The following CNBD1 variants were observed in gnomAD, a reference collection of about 807,000 sequenced individuals.
CNBD1 encodes cyclic nucleotide binding domain containing 1, also known as cyclic nucleotide-binding domain-containing protein 1.
Under a neutral mutation model 54.4 loss-of-function variants are expected in CNBD1, and 71 were observed. That is an observed-to-expected ratio of 1.30 (90% CI 1.08 to 1.59). The LOEUF is 1.59. CNBD1 is among the 40% of genes most tolerant of loss of function. The probability of loss-of-function intolerance (pLI) is 0.00; values close to 1 mark genes in which losing one functional copy is unlikely to be tolerated. For synonymous variants in CNBD1, 182 were observed against 170.7 expected (o/e 1.07, Z -0.51); for missense variants, 659 against 518.0 (o/e 1.27, Z -2.64).
intron 4 of CNBD1, among the ~76,000 whole-genome samples, chr8:87,146,411 G>A (rs953039302): frequency 3.3e-5 from 5 of 152,120 alleles, no homozygotes; most frequent in African/African-American, 4.8e-5. Flanking sequence ...CCAATGAAAT[G>A]GATATTTCTA....
intron 5 of CNBD1, among the ~76,000 whole-genome samples, chr8:87,213,706 C>T (rs182205533): frequency 7.6e-4 from 116 of 152,174 alleles, no homozygotes; most frequent in East Asian, 3.3e-3. Flanking sequence ...ACTCCTGGCC[C>T]CTCCCAAATC....
intron 8 of CNBD1, among the ~76,000 whole-genome samples, chr8:87,343,015 C>T (rs1361699416): frequency 6.6e-6 from 1 of 152,116 alleles, no homozygotes; most frequent in East Asian, 1.9e-4. Context: ...AAGACAGACA[C>T]TCCCAGAGCT....
intron 3 of CNBD1, among the ~76,000 whole-genome samples, chr8:86,928,039 G>A (rs907234859): frequency 7.2e-5 from 11 of 152,018 alleles, no homozygotes; most frequent in Non-Finnish European, 1.2e-4. Flanking sequence ...TACTGAGTAT[G>A]GTCCTTCCCA....
intron 4 of CNBD1, among the ~76,000 whole-genome samples, chr8:86,947,507 A>G (rs1009201411): frequency 1.3e-5 from 2 of 152,142 alleles, no homozygotes; most frequent in African/African-American, 2.4e-5. Flanking sequence ...TGTGAAATCT[A>G]CGTTGGACAA....
intron 8 of CNBD1, among the ~76,000 whole-genome samples, chr8:87,298,764 G>A (rs1299543646): frequency 2.0e-5 from 3 of 151,764 alleles, no homozygotes; most frequent in Non-Finnish European, 4.4e-5. Flanking sequence ...GATTACAGAT[G>A]TGAGCCACCA....
chr8:87,410,173 T>C (rs1324464187), intron 2 of CNBD1, among the ~76,000 whole-genome samples: 2 of 152,124 alleles, frequency 1.3e-5, no homozygotes, highest in African/African-American at 4.8e-5. Flanking sequence ...AAAGATTCAT[T>C]TACAATGCAC....
At chr8:87,255,321 C>G (rs192332884) in intron 6 of CNBD1, among the ~76,000 whole-genome samples, 3 of 152,142 alleles carry the variant, frequency 2.0e-5, no homozygotes, top group East Asian at 3.9e-4. Flanking sequence ...TAAATAAACT[C>G]TCTGCATGTA....
intron 6 of CNBD1, among the ~76,000 whole-genome samples, chr8:87,272,488 G>A (rs558269063): frequency 5.9e-5 from 9 of 152,054 alleles, no homozygotes; most frequent in Admixed American, 2.6e-4. Context: ...TAAATTCAGA[G>A]TAAATGAAAA....
At chr8:87,041,204 C>T (rs769905796) in intron 4 of CNBD1, among the ~76,000 whole-genome samples, 30 of 151,906 alleles carry the variant, frequency 2.0e-4, no homozygotes, top group Non-Finnish European at 3.5e-4. Flanking sequence ...GAAAGATAAA[C>T]GGTTAGGGAA....
intron 6 of CNBD1, among the ~76,000 whole-genome samples, chr8:87,238,375 G>T (rs1440793969): frequency 2.0e-5 from 3 of 152,066 alleles, no homozygotes; most frequent in Non-Finnish European, 4.4e-5. Context: ...ATTGCCCATG[G>T]GGTAGGCTTA....
chr8:87,195,225 ATTT>A (rs35035648), intron 4 of CNBD1, among the ~76,000 whole-genome samples: 2 of 119,772 alleles, frequency 1.7e-5, no homozygotes, highest in Non-Finnish European at 3.4e-5. Context: ...GAGAAAATTG[ATTT>A]TTTTTTTTTT....
rs928021717 is a variant in CNBD1, at chr8:86,876,886, G to A, written c.88+10303G>A. 3.3e-5 allele frequency among the ~76,000 whole-genome samples: 5 copies of A among 151,990 alleles called. No individual in the cohort carries two copies. The South Asian group carries it at 8.3e-4, about 25-fold the overall frequency. On this transcript the variant is annotated intron_variant, in intron 1 of 10. Coordinates refer to ENST00000518476, the MANE Select transcript of CNBD1 (RefSeq NM_173538.3). Reference sequence around the variant, plus strand: ...TTGACAACAAAGGGAAGTTATTGGGGTTTATTTTGCCTCCATTTATACCTG... The same window carrying A: ...TTGACAACAAAGGGAAGTTATTGGGATTTATTTTGCCTCCATTTATACCTG...
At chr8:87,302,469 G>A (rs1388796493) in intron 8 of CNBD1, among the ~76,000 whole-genome samples, 1 of 151,796 alleles carries the variant, frequency 6.6e-6, no homozygotes, top group Non-Finnish European at 1.5e-5. Context: ...CAATAAATTA[G>A]GTATTGATGG....
chr8:87,297,611 T>A (rs1213564126), intron 8 of CNBD1, among the ~76,000 whole-genome samples: 1 of 152,168 alleles, frequency 6.6e-6, no homozygotes, highest in Non-Finnish European at 1.5e-5. Flanking sequence ...GTGAACCATG[T>A]CAATAAAGGT....
chr8:87,025,136 C>T (rs746325642), intron 4 of CNBD1, among the ~76,000 whole-genome samples: 31 of 152,056 alleles, frequency 2.0e-4, no homozygotes, highest in Non-Finnish European at 4.3e-4. Flanking sequence ...CCAATCAGCG[C>T]TCTGTGTCTA....
intron 10 of CNBD1, among the ~76,000 whole-genome samples, chr8:87,372,421 G>T (rs1400222348): frequency 6.6e-6 from 1 of 151,710 alleles, no homozygotes; most frequent in South Asian, 2.1e-4. Flanking sequence ...CATTATTTCT[G>T]GTTCCTCACT....
At chr8:87,228,623 G>C (rs1314230463) in intron 5 of CNBD1, among the ~76,000 whole-genome samples, 10 of 151,344 alleles carry the variant, frequency 6.6e-5, no homozygotes, top group African/African-American at 2.5e-4. Flanking sequence ...TGCGTGCTGG[G>C]AGAACCACTG....
chr8:87,039,511 G>A (rs1041829706), intron 4 of CNBD1, among the ~76,000 whole-genome samples: 2 of 152,022 alleles, frequency 1.3e-5, no homozygotes, highest in Non-Finnish European at 2.9e-5. Context: ...CCCTTTCTAA[G>A]AAACTGCTTT....
chr8:87,245,998 A>G (rs936084515), intron 6 of CNBD1, among the ~76,000 whole-genome samples: 1 of 152,100 alleles, frequency 6.6e-6, no homozygotes, highest in Admixed American at 6.5e-5. Flanking sequence ...AATATCTCAT[A>G]TCCATTGGTT....
Sources: gnomAD v4.1 joint callset for allele counts (sites outside exome capture counted in the v4.1 genomes callset) on GRCh38, gnomAD v4.1.1 for gene constraint, MANE v1.5 for transcripts, NCBI Gene and HGNC (gene_info 2026-07-23, HGNC 2026-07-21) for gene names.